HEATR4: variants seen among roughly 807,000 people sequenced by gnomAD.
The protein encoded by HEATR4 is HEAT repeat containing 4, also known as HEAT repeat-containing protein 4.
Under a neutral mutation model 108.8 loss-of-function variants are expected in HEATR4, and 95 were observed. The observed-to-expected ratio is 0.87, with a 90% CI of 0.74 to 1.04. The LOEUF is 1.04. Ranked by LOEUF, HEATR4 falls within the 50% of genes least tolerant of loss-of-function variation. The pLI is 0.00. For synonymous variants in HEATR4, 443 were observed against 459.4 expected (o/e 0.96, Z 0.46); for missense variants, 1,152 against 1,253.8 (o/e 0.92, Z 1.23).
the HEATR4 span, among the ~76,000 whole-genome samples, chr14:73,602,775 C>CT: frequency 2.6e-5 from 4 of 151,960 alleles, no homozygotes; most frequent in African/African-American, 4.8e-5. Flanking sequence ...AAGAGTAAAT[C>CT]TTTTTTTTAT....
chr14:73,537,199 A>G lies in HEATR4; in HGVS notation c.-151-6955T>C, dbSNP rs1888890194. 9.7e-6 allele frequency: 4 copies of G among 412,776 alleles called. 1 individual carries two copies. The highest frequency in any genetic ancestry group is 9.2e-5 in the African/African-American group (4 of 43,620). 25.6% of individuals were successfully genotyped at this position (412,776 alleles called of 1,614,324 possible). ...AACCTAGGAAGTTGCTTTCCAACAT[A>G]AAGTGGAGGTTTCAACACAGGAGAC... On this transcript the variant is annotated intron_variant, in intron 1 of 17. Coordinates refer to ENST00000553558, the MANE Select transcript of HEATR4 (RefSeq NM_001220484.1).
the HEATR4 span, chr14:73,612,448 A>C: frequency 1.6e-6 from 1 of 629,710 alleles, no homozygotes; most frequent in African/African-American, 1.9e-5. Context: ...CCTGTCCCCA[A>C]GTCCAACCAA....
the HEATR4 span, among the ~76,000 whole-genome samples, chr14:73,565,402 T>C: frequency 1.3e-5 from 2 of 151,456 alleles, no homozygotes; most frequent in Non-Finnish European, 3.0e-5. Flanking sequence ...TTTTTTTTTT[T>C]TTCTGAGGAG....
intron 17 of HEATR4, among the ~76,000 whole-genome samples, chr14:73,488,140 G>C (rs1015671648): frequency 2.0e-5 from 3 of 152,172 alleles, no homozygotes; most frequent in African/African-American, 7.2e-5. Flanking sequence ...GTTTGGCTCT[G>C]TGTCCCCACC....
At chr14:73,626,836 T>C in the HEATR4 span, among the ~76,000 whole-genome samples, 2 of 148,144 alleles carry the variant, frequency 1.4e-5, no homozygotes, top group Non-Finnish European at 3.0e-5. Context: ...TTTGCTATTG[T>C]TGCCCAGGCT....
At chr14:73,488,432 G>A (rs1417747534) in intron 17 of HEATR4, among the ~76,000 whole-genome samples, 1 of 151,950 alleles carries the variant, frequency 6.6e-6, no homozygotes, top group Non-Finnish European at 1.5e-5. Flanking sequence ...CACTATGCCC[G>A]GCTAATTTTT....
the HEATR4 span, among the ~76,000 whole-genome samples, chr14:73,600,938 C>T: frequency 1.4e-4 from 21 of 151,782 alleles, 1 homozygote; most frequent in Middle Eastern, 0.014. Context: ...GTCAGGAGTT[C>T]GAGACCAGCC....
chr14:73,570,626 C>T, the HEATR4 span, among the ~76,000 whole-genome samples: 2 of 151,674 alleles, frequency 1.3e-5, no homozygotes, highest in African/African-American at 2.4e-5. Context: ...CAAAACAGGC[C>T]GGGCGCGGTG....
chr14:73,585,593 G>A, the HEATR4 span, among the ~76,000 whole-genome samples: 1 of 152,104 alleles, frequency 6.6e-6, no homozygotes, highest in African/African-American at 2.4e-5. Context: ...GGAGGCTGAG[G>A]CATGAGAGTC....
chr14:73,569,239 G>A, the HEATR4 span: 1 of 1,613,116 alleles, frequency 6.2e-7, no homozygotes, highest in Admixed American at 1.7e-5. Flanking sequence ...CAGCCCGAGA[G>A]GATGTCTAAC....
the HEATR4 span, chr14:73,574,876 T>C: frequency 6.2e-7 from 1 of 1,612,868 alleles, no homozygotes; most frequent in Non-Finnish European, 8.5e-7. Context: ...TGTGGAATCA[T>C]TCTTCTTCTT....
At chr14:73,527,554 G>GC (rs1555393439) in intron 2 of HEATR4, among the ~76,000 whole-genome samples, 1 of 151,356 alleles carries the variant, frequency 6.6e-6, no homozygotes, top group Non-Finnish European at 1.5e-5. Context: ...CTTCGCAAAA[G>GC]AAAAAAAATC....
upstream of HEATR4, among the ~76,000 whole-genome samples, chr14:73,563,778 ATAGCAAGAC>A (rs532978093): frequency 6.6e-6 from 1 of 151,938 alleles, no homozygotes; most frequent in Non-Finnish European, 1.5e-5. Context: ...TCTGGGCAAC[ATAGCAAGAC>A]CCTGTCTCTA....
In HEATR4 at chr14:73,492,055, C is replaced by T; in HGVS notation, c.2844+1011G>A. The T allele has an allele frequency of 4.3e-6, 7 of 1,614,040 alleles. No individual in the cohort carries two copies. Among genetic ancestry groups the T allele is most frequent in the Non-Finnish European group, 5.9e-6 (7 of 1,179,892 alleles). On this transcript the variant is annotated intron_variant, in intron 17 of 17. Transcript: ENST00000553558. This position sits in a 1 kb window ranked among gnomAD's most constrained non-coding sequence, Gnocchi z 4.9. ...CCCCCCACTACGACGACATCGAGGCCTTCGTGCTGCAGCTGGAAGGTAGGA... is the reference window on the plus strand; with the variant it reads ...CCCCCCACTACGACGACATCGAGGCTTTCGTGCTGCAGCTGGAAGGTAGGA...
At chr14:73,500,276 G>A (rs1886367156) in intron 12 of HEATR4, among the ~76,000 whole-genome samples, 1 of 149,076 alleles carries the variant, frequency 6.7e-6, no homozygotes, top group Non-Finnish European at 1.5e-5. Flanking sequence ...ATTATGCACG[G>A]ACCTTTTTTT....
the HEATR4 span, among the ~76,000 whole-genome samples, chr14:73,626,248 G>T: frequency 6.6e-6 from 1 of 152,174 alleles, no homozygotes; most frequent in East Asian, 1.9e-4. Flanking sequence ...ATACAACAAC[G>T]CTAATAATAG....
At chr14:73,526,930 C>T (rs1490455184) in intron 2 of HEATR4, among the ~76,000 whole-genome samples, 2 of 152,146 alleles carry the variant, frequency 1.3e-5, no homozygotes. Context: ...TCCAGACAGC[C>T]CAGTGGGGAG....
chr14:73,490,472 G>T (rs1006734372), intron 17 of HEATR4, among the ~76,000 whole-genome samples: 1 of 152,126 alleles, frequency 6.6e-6, no homozygotes, highest in Non-Finnish European at 1.5e-5. Flanking sequence ...CCAGCACCAC[G>T]TCCGGCTAGT....
chr14:73,495,113 C>T lies in HEATR4; in HGVS notation c.2785+115G>A, dbSNP rs1412097564. ...ATGGTAGCCAAGAGGGAAGAGAGTA[C>T]CCTTTCCTGACTCTTTCATCCTCTA... On this transcript the variant is annotated intron_variant, in intron 16 of 17. Transcript: ENST00000553558. 3 of 810,600 alleles carry T rather than the reference C, an allele frequency of 3.7e-6. No homozygotes were observed. The African/African-American group carries it at 5.2e-5, about 14-fold the overall frequency. The allele number at this position is 810,600 out of a possible 1,614,324, so 50.2% of individuals were successfully genotyped here.
Sources: gnomAD v4.1 joint callset for allele counts (sites outside exome capture counted in the v4.1 genomes callset) on GRCh38, gnomAD v4.1.1 for gene constraint, Gnocchi (gnomAD v3.1) non-coding constraint, MANE v1.5 for transcripts, NCBI Gene and HGNC (gene_info 2026-07-23, HGNC 2026-07-21) for gene names.